MICU1: variants seen among roughly 807,000 people sequenced by gnomAD.
MICU1 encodes mitochondrial calcium uptake 1.
In MICU1, 45 loss-of-function variants were observed where a neutral mutation model predicts 56.8. The observed-to-expected ratio is 0.79, with a 90% CI of 0.62 to 1.02. The LOEUF is 1.02. Among genes scored for constraint, MICU1 ranks in the 50% least tolerant of loss-of-function variants. The pLI is 0.00. For synonymous variants in MICU1, 186 were observed against 195.1 expected (o/e 0.95, Z 0.39); for missense variants, 504 against 587.1 (o/e 0.86, Z 1.46).
At chr10:72,573,672 A>G (rs1236608421) in intron 1 of MICU1, among the ~76,000 whole-genome samples, 1 of 152,218 alleles carries the variant, frequency 6.6e-6, no homozygotes, top group Non-Finnish European at 1.5e-5. Context: ...TTATTTATAA[A>G]TAAAATTTAA....
At chr10:72,547,777 T>C (rs1362599514) in intron 4 of MICU1, among the ~76,000 whole-genome samples, 1 of 152,162 alleles carries the variant, frequency 6.6e-6, no homozygotes, top group Non-Finnish European at 1.5e-5. Flanking sequence ...ATGACCTACA[T>C]TCTTCCACAA....
At chr10:72,521,775 G>C (rs1382371036) in intron 5 of MICU1, among the ~76,000 whole-genome samples, 1 of 151,988 alleles carries the variant, frequency 6.6e-6, no homozygotes, top group Non-Finnish European at 1.5e-5. Context: ...TTTTGAAGTA[G>C]TTCACTACCA....
chr10:72,491,223 A>C (rs1180968502), intron 6 of MICU1, among the ~76,000 whole-genome samples: 1 of 152,192 alleles, frequency 6.6e-6, no homozygotes. Context: ...CCCAATAGAT[A>C]ATTTGTTATT....
At position 72,563,035 on chromosome 10, in the gene MICU1, C is replaced by A. The variant is rs1373235194; in HGVS notation, c.190G>T (p.Asp64Tyr). 14 of 1,591,420 alleles carry A rather than the reference C, an allele frequency of 8.8e-6. No individual in the cohort carries two copies. Among genetic ancestry groups the A allele is most frequent in the Non-Finnish European group, 1.0e-5 (12 of 1,170,886 alleles). The part of the protein sequence containing the change: ...RAHAESPPCV[D>Y]NLKSDIGDKG... ...TCACCGATGTCACTTTTTAGGTTGT[C>A]TACACATGGTGGAGATTCTGCATGG... Residue 64 changes from aspartate to tyrosine, a missense_variant, in exon 3 of 12, where the codon GAC becomes TAC. Asp to Tyr is a radical substitution (Grantham distance 160, BLOSUM62 -3). Coordinates refer to ENST00000361114, the MANE Select transcript of MICU1 (RefSeq NM_001195518.2).
At chr10:72,385,300 G>A (rs1862850012) in intron 10 of MICU1, among the ~76,000 whole-genome samples, 1 of 152,126 alleles carries the variant, frequency 6.6e-6, no homozygotes, top group Non-Finnish European at 1.5e-5. Context: ...GACCAGCCTG[G>A]CCAACATGGT....
chr10:72,583,582 T>G (rs763833927), intron 1 of MICU1, among the ~76,000 whole-genome samples: 3 of 152,160 alleles, frequency 2.0e-5, no homozygotes, highest in Non-Finnish European at 4.4e-5. Flanking sequence ...CTGGCCTGAA[T>G]GCATTATCTT....
chr10:72,614,136 T>C (rs1218191614), intron 1 of MICU1, among the ~76,000 whole-genome samples: 1 of 151,434 alleles, frequency 6.6e-6, no homozygotes, highest in Non-Finnish European at 1.5e-5. Flanking sequence ...AGAACAAAAC[T>C]CCATCCCCAA....
chr10:72,562,865 C>A, intron 3 of MICU1, 30 bp downstream of exon 3: 1 of 1,515,860 alleles, frequency 6.6e-7, no homozygotes, highest in Non-Finnish European at 8.8e-7. Context: ...AGATATACTT[C>A]TGATCAACTT....
intron 5 of MICU1, chr10:72,524,631 C>T: frequency 1.4e-6 from 1 of 697,064 alleles, no homozygotes; most frequent in Non-Finnish European, 2.0e-6. Context: ...CTGAAGGGAG[C>T]AGGGCAAGGA....
intron 1 of MICU1, among the ~76,000 whole-genome samples, chr10:72,622,282 T>C (rs1473003572): frequency 6.6e-6 from 1 of 151,982 alleles, no homozygotes; most frequent in Non-Finnish European, 1.5e-5. Flanking sequence ...TGAACATCTG[T>C]TGTTTTTGCC....
intron 9 of MICU1, among the ~76,000 whole-genome samples, chr10:72,419,520 C>G (rs1864087123): frequency 6.6e-6 from 1 of 152,218 alleles, no homozygotes; most frequent in South Asian, 2.1e-4. Flanking sequence ...GTCCTTTCAA[C>G]TTTTCAATAT....
chr10:72,586,667 C>T (rs1841072001), intron 1 of MICU1, among the ~76,000 whole-genome samples: 1 of 151,818 alleles, frequency 6.6e-6, no homozygotes, highest in Admixed American at 6.6e-5. Flanking sequence ...AAAAAAAACC[C>T]ATAGATATGA....
chr10:72,508,167 T>A lies in MICU1; in HGVS notation c.640A>T (p.Thr214Ser). Residue 214 changes from threonine to serine, a missense_variant, in exon 6 of 12, where the codon ACT (threonine) becomes TCT (serine). Physicochemically the swap from Thr to Ser is moderately conservative, Grantham distance 58. Transcript: ENST00000361114. ...ISFSDYIFLTTVLSTPQRNFE... is the reference protein window; with the variant it reads ...ISFSDYIFLTSVLSTPQRNFE... ...CGTTTATACTTACTGGAAAGAACAG[T>A]TGTGAGGAAAATGTAGTCTGAAAAG... The A allele has an allele frequency of 6.6e-7, 1 of 1,519,536 alleles. No individual in the cohort carries two copies. 94.1% of individuals were successfully genotyped at this position (1,519,536 alleles called of 1,614,324 possible).
chr10:72,462,329 C>T (rs1865663597), intron 8 of MICU1, among the ~76,000 whole-genome samples: 2 of 151,842 alleles, frequency 1.3e-5, no homozygotes. Flanking sequence ...GTAATACTTC[C>T]ACCTTATCCT....
In MICU1 at chr10:72,367,380, G is replaced by A. The variant is rs1316216153; in HGVS notation, c.*815C>T. On this transcript the variant is annotated 3_prime_UTR_variant, in exon 12 of 12. Transcript: ENST00000361114. The stretch of plus-strand genomic sequence containing the variant: ...TATTGCAAATGGTTATAATTTAAGT[G>A]ATATTTACAATTGTTTAAGACAGAG... 2 of 152,314 alleles carry A rather than the reference G, an allele frequency of 1.3e-5. No individual in the cohort carries two copies. The highest frequency in any genetic ancestry group is 3.7e-4 in the East Asian group (2 of 5,340). 9.4% of individuals were successfully genotyped at this position (152,314 alleles called of 1,614,324 possible).
At chr10:72,584,173 A>G (rs1309209499) in intron 1 of MICU1, among the ~76,000 whole-genome samples, 6 of 152,216 alleles carry the variant, frequency 3.9e-5, no homozygotes, top group African/African-American at 1.4e-4. Flanking sequence ...TCTCTGAAAC[A>G]GTCCTTTATC....
At chr10:72,418,465 G>A (rs1864055988) in intron 9 of MICU1, among the ~76,000 whole-genome samples, 1 of 152,142 alleles carries the variant, frequency 6.6e-6, no homozygotes, top group Admixed American at 6.5e-5. Flanking sequence ...ATCTGGAATA[G>A]GAAGCCTTGG....
At chr10:72,598,322 C>G (rs1248579955) in intron 1 of MICU1, among the ~76,000 whole-genome samples, 2 of 151,714 alleles carry the variant, frequency 1.3e-5, no homozygotes, top group African/African-American at 4.8e-5. Context: ...GTGGCATGAT[C>G]TCGGCTCACT....
chr10:72,435,167 A>G (rs1864666079), intron 8 of MICU1, among the ~76,000 whole-genome samples: 1 of 151,982 alleles, frequency 6.6e-6, no homozygotes, highest in Non-Finnish European at 1.5e-5. Context: ...AGGTGGGAGT[A>G]CTGCTTGAGG....
Sources: allele counts gnomAD v4.1 joint callset (sites outside exome capture counted in the v4.1 genomes callset), GRCh38; gene constraint gnomAD v4.1.1; transcripts MANE v1.5; gene names NCBI Gene and HGNC (gene_info 2026-07-23, HGNC 2026-07-21).